TDRD5: variants seen among roughly 807,000 people sequenced by gnomAD.
TDRD5 encodes tudor domain-containing protein 5.
Under a neutral mutation model 120.6 loss-of-function variants are expected in TDRD5, and 41 were observed. That is an observed-to-expected ratio of 0.34 (90% CI 0.26 to 0.44). TDRD5 has a LOEUF of 0.44. TDRD5 is among the 20% of genes least tolerant of loss of function. The pLI, the probability that TDRD5 is intolerant of heterozygous loss-of-function variation, is 1.00. For synonymous variants in TDRD5, 430 were observed against 433.7 expected (o/e 0.99, Z 0.11); for missense variants, 1,006 against 1,221.2 (o/e 0.82, Z 2.63).
intron 17 of TDRD5, among the ~76,000 whole-genome samples, chr1:179,672,311 G>A (rs1281888118): frequency 6.6e-6 from 1 of 151,988 alleles, no homozygotes; most frequent in African/African-American, 2.4e-5. Flanking sequence ...GGGTATTCTT[G>A]CAGAAGTGAG....
chr1:179,652,653 C>G (rs1162131930), intron 13 of TDRD5, among the ~76,000 whole-genome samples: 2 of 138,320 alleles, frequency 1.4e-5, no homozygotes, highest in Non-Finnish European at 3.4e-5. Context: ...AAAGCATTCA[C>G]ATGTGTTAAC....
Position 179,635,760 on chromosome 1 carries a change from C to T in TDRD5, c.1393C>T (p.Pro465Ser), listed in dbSNP as rs1225661788. 2 of 1,613,946 alleles carry T rather than the reference C, an allele frequency of 1.2e-6. No individual in the cohort carries two copies. Among genetic ancestry groups the T allele is most frequent in the Non-Finnish European group, 8.5e-7 (1 of 1,180,016 alleles). The part of the protein sequence containing the change: ...AVPNKKLCRL[P>S]PLDTSSLIGV... ...GCCGAACAAGAAATTATGCAGACTC[C>T]CACCATTAGACACCAGTTCCCTCAT... Residue 465 changes from proline (P) to serine (S), a missense_variant, in exon 9 of 18, where the codon CCA (proline) becomes TCA (serine). Physicochemically the swap from Pro to Ser is moderately conservative, Grantham distance 74 (BLOSUM62 -1). This residue lies in a region of TDRD5 where 158 missense variants were observed against 257.5 expected (regional missense o/e 0.61). Coordinates refer to ENST00000444136, the MANE Select transcript of TDRD5 (RefSeq NM_001199085.3).
At chr1:179,659,992 A>G (rs1679214024) in intron 14 of TDRD5, among the ~76,000 whole-genome samples, 2 of 152,006 alleles carry the variant, frequency 1.3e-5, no homozygotes, top group Non-Finnish European at 1.5e-5. Context: ...CACTGTGCTC[A>G]GCCTTGTTTG....
chr1:179,672,249 C>A (rs1427180409), intron 17 of TDRD5, among the ~76,000 whole-genome samples: 10 of 152,096 alleles, frequency 6.6e-5, no homozygotes, highest in Admixed American at 5.2e-4. Flanking sequence ...AAAGCATTCC[C>A]TTTCCACCGC....
chr1:179,619,997 G>A (rs1381676486), intron 5 of TDRD5, among the ~76,000 whole-genome samples: 1 of 152,148 alleles, frequency 6.6e-6, no homozygotes, highest in Non-Finnish European at 1.5e-5. Flanking sequence ...CTCCAAACTA[G>A]GGATGTCATG....
In TDRD5 at chr1:179,654,568, C is replaced by T. The variant is rs570332325; in HGVS notation, c.2322+206C>T. ...TCACTTGAGGTCAGGAGTTCAAGAC[C>T]AGCGTGGTCAACATGATGATACCTT... is the stretch of plus-strand genomic sequence containing the variant. On this transcript the variant is annotated intron_variant, in intron 14 of 17. Transcript: ENST00000444136. Among the ~76,000 whole-genome samples, 222 of 152,092 alleles carry T rather than the reference C, an allele frequency of 1.5e-3. 2 individuals carry two copies. The highest frequency in any genetic ancestry group is 5.2e-3 in the African/African-American group (215 of 41,490).
intron 7 of TDRD5, among the ~76,000 whole-genome samples, chr1:179,632,705 C>G (rs1224464884): frequency 6.6e-6 from 1 of 151,884 alleles, no homozygotes; most frequent in Non-Finnish European, 1.5e-5. Context: ...ATTTTTGGAC[C>G]TCTTCTATAT....
chr1:179,602,590 C>T (rs1675776227), intron 4 of TDRD5, among the ~76,000 whole-genome samples: 2 of 152,224 alleles, frequency 1.3e-5, no homozygotes, highest in African/African-American at 2.4e-5. Context: ...CATTCTCCTA[C>T]ATGCGGCTAG....
At chr1:179,625,911 G>T (rs958716339) in intron 6 of TDRD5, among the ~76,000 whole-genome samples, 8 of 152,110 alleles carry the variant, frequency 5.3e-5, no homozygotes, top group Non-Finnish European at 1.2e-4. Context: ...CATGTCCTTT[G>T]TAGGGACATG....
At chr1:179,600,777 C>G (rs1558370407) in intron 4 of TDRD5, among the ~76,000 whole-genome samples, 1 of 152,112 alleles carries the variant, frequency 6.6e-6, no homozygotes, top group Non-Finnish European at 1.5e-5. Context: ...CTAAGTATTG[C>G]TATAGCTACA....
rs145480833 is a variant in TDRD5, at chr1:179,608,394, A to G, written c.832-10205A>G. On this transcript the variant is annotated intron_variant, in intron 4 of 17. Transcript: ENST00000444136. The stretch of plus-strand genomic sequence containing the variant: ...TTTTTCTCTCCTCTTTTGGAGTACA[A>G]TCACATCTATTTTAGACTGCTTGTT... 1.2e-3 allele frequency among the ~76,000 whole-genome samples: 184 copies of G among 152,166 alleles called. 1 individual carries two copies. The highest frequency in any genetic ancestry group is 2.1e-3 in the Non-Finnish European group (140 of 67,926).
At chr1:179,655,992 G>T (rs1678986817) in intron 14 of TDRD5, among the ~76,000 whole-genome samples, 1 of 152,144 alleles carries the variant, frequency 6.6e-6, no homozygotes, top group Non-Finnish European at 1.5e-5. Context: ...TAAGATTGCT[G>T]GGTCATGTGA....
At chr1:179,657,715 C>A (rs1326627766) in intron 14 of TDRD5, among the ~76,000 whole-genome samples, 2 of 151,672 alleles carry the variant, frequency 1.3e-5, no homozygotes. Flanking sequence ...TTGTGTGGAT[C>A]TTTATTTTCT....
intron 14 of TDRD5, among the ~76,000 whole-genome samples, chr1:179,655,465 C>T (rs1271878416): frequency 2.0e-5 from 3 of 152,018 alleles, no homozygotes; most frequent in Non-Finnish European, 4.4e-5. Flanking sequence ...TAAATTAACA[C>T]ATAGTAAAAT....
At chr1:179,639,768 G>T in intron 9 of TDRD5, 71 bp from the exon 10 acceptor site, 1 of 1,518,830 alleles carries the variant, frequency 6.6e-7, no homozygotes, top group South Asian at 1.2e-5. Flanking sequence ...TTTCTGGCTT[G>T]ATACATTGAT....
At chr1:179,677,304 G>A (rs552081730) in intron 17 of TDRD5, among the ~76,000 whole-genome samples, 1 of 152,104 alleles carries the variant, frequency 6.6e-6, no homozygotes, top group South Asian at 2.1e-4. Flanking sequence ...TTTCTCTGGT[G>A]CCTCCTTGAT....
At position 179,635,797 on chromosome 1, in the gene TDRD5, T is replaced by G. The variant is rs1339169345; in HGVS notation, c.1430T>G (p.Val477Gly). ...LDTSSLIGVF[V>G]EYIISPSQFY... is the part of the protein sequence containing the mutation. ...ACCAGTTCCCTCATAGGGGTCTTTGTGGAGTATATCATCTCTCCTAGTCAA... is the reference window on the plus strand; with the variant it reads ...ACCAGTTCCCTCATAGGGGTCTTTGGGGAGTATATCATCTCTCCTAGTCAA... Residue 477 changes from valine (V) to glycine (G), a missense_variant, in exon 9 of 18, where the codon GTG becomes GGG. Val to Gly is a moderately radical substitution (Grantham distance 109). Transcript: ENST00000444136. The G allele has an allele frequency of 6.2e-7, 1 of 1,614,038 alleles. No homozygotes were observed. Among genetic ancestry groups the G allele is most frequent in the East Asian group, 2.2e-5 (1 of 44,876 alleles).
At chr1:179,626,158 A>T (rs1677119409) in intron 6 of TDRD5, among the ~76,000 whole-genome samples, 1 of 152,096 alleles carries the variant, frequency 6.6e-6, no homozygotes, top group Admixed American at 6.6e-5. Flanking sequence ...GCACATGTAT[A>T]CATATGTAAC....
chr1:179,675,289 T>A (rs1457511278), intron 17 of TDRD5, among the ~76,000 whole-genome samples: 1 of 133,076 alleles, frequency 7.5e-6, no homozygotes, highest in Admixed American at 7.5e-5. Context: ...TTTTTTTTTT[T>A]TTTTTTTTGA....
Sources: gnomAD v4.1 joint callset for allele counts (sites outside exome capture counted in the v4.1 genomes callset) on GRCh38, gnomAD v4.1.1 for gene constraint, gnomAD v4.1.1 regional missense constraint, MANE v1.5 for transcripts, NCBI Gene and HGNC (gene_info 2026-07-23, HGNC 2026-07-21) for gene names.